Variants in CNOT10 observed in about 807,000 individuals in gnomAD.
CNOT10 encodes CCR4-NOT transcription complex subunit 10, also known as CCR4-NOT transcription complex, subunit 10.
In CNOT10, 30 loss-of-function variants were observed where a neutral mutation model predicts 94.6. The observed-to-expected ratio is 0.32, with a 90% confidence interval of 0.24 to 0.43. The LOEUF is 0.43. Ranked by LOEUF, CNOT10 falls within the 20% of genes least tolerant of loss-of-function variation. The pLI is 1.00. For synonymous variants in CNOT10, 289 were observed against 301.6 expected, an observed-to-expected ratio of 0.96 and a Z score of 0.43; for missense variants, 759 against 877.2, an observed-to-expected ratio of 0.87 and a Z score of 1.70.
chr3:32,733,827 C>G (rs1260226213), intron 11 of CNOT10, among the ~76,000 whole-genome samples: 1 of 152,096 alleles, frequency 6.6e-6, no homozygotes, highest in Non-Finnish European at 1.5e-5. Context: ...AAGAGGGCAT[C>G]TTGGTATTTC....
intron 13 of CNOT10, among the ~76,000 whole-genome samples, chr3:32,757,886 T>C (rs1700287261): frequency 1.3e-5 from 2 of 152,216 alleles, no homozygotes; most frequent in Admixed American, 1.3e-4. Flanking sequence ...ATTACTATCC[T>C]CTGTAATAAG....
At chr3:32,763,610 A>G (rs1446656183) in intron 15 of CNOT10, among the ~76,000 whole-genome samples, 1 of 151,784 alleles carries the variant, frequency 6.6e-6, no homozygotes, top group Non-Finnish European at 1.5e-5. Flanking sequence ...AGATCACGCC[A>G]CTGCACTCCA....
rs1238524615 is a variant in CNOT10 at position 32,769,929 on chromosome 3, A to G, written c.2047A>G (p.Ile683Val). The G allele has an allele frequency of 6.2e-7, 1 of 1,613,996 alleles. No homozygotes were observed. The highest frequency in any genetic ancestry group is 8.5e-7 in the Non-Finnish European group (1 of 1,179,894). ...TCCTAAAGAGGTGCCCCCTGAGGCC[A>G]TCTTGCTGGCAGTCTACCTTGAACT... ...IHPKEVPPEA[I>V]LLAVYLELQN... The change falls in exon 18 of 19, where the codon ATC becomes GTC. Residue 683 changes from isoleucine to valine, a missense_variant. Transcript: ENST00000328834.
At chr3:32,758,175 T>C (rs1412583376) in intron 13 of CNOT10, among the ~76,000 whole-genome samples, 1 of 152,192 alleles carries the variant, frequency 6.6e-6, no homozygotes, top group Non-Finnish European at 1.5e-5. Context: ...AAAGATTATG[T>C]TTACTCACTT....
At chr3:32,741,768 C>CAAAAAAAAAAAAAAAAAAAAAAA (rs529423159) in intron 13 of CNOT10, among the ~76,000 whole-genome samples, 1 of 86,546 alleles carries the variant, frequency 1.2e-5, no homozygotes. Flanking sequence ...GACTCCGTCT[C>CAAAAAAAAAAAAAAAAAAAAAAA]AAAAAAAAAA....
At chr3:32,769,759 G>T in intron 17 of CNOT10, 128 bp from the exon 18 acceptor site, 1 of 700,758 alleles carries the variant, frequency 1.4e-6, no homozygotes, top group Non-Finnish European at 2.6e-6. Flanking sequence ...AGAACAACAG[G>T]TAGTCCCTAG....
intron 13 of CNOT10, among the ~76,000 whole-genome samples, chr3:32,748,832 T>C (rs1385047757): frequency 6.6e-6 from 1 of 151,020 alleles, no homozygotes; most frequent in Non-Finnish European, 1.5e-5. Context: ...TTTGTGGTTT[T>C]TTTGTTTTTG....
intron 1 of CNOT10, among the ~76,000 whole-genome samples, chr3:32,698,434 G>A (rs959781922): frequency 8.6e-5 from 13 of 152,000 alleles, no homozygotes; most frequent in African/African-American, 3.1e-4. Flanking sequence ...AGTCTTCTGG[G>A]GGTTTCGTAG....
At chr3:32,744,414 A>C (rs1390554227) in intron 13 of CNOT10, among the ~76,000 whole-genome samples, 1 of 152,110 alleles carries the variant, frequency 6.6e-6, no homozygotes, top group Non-Finnish European at 1.5e-5. Context: ...TGACTTTTCC[A>C]ATGGCCACTT....
intron 1 of CNOT10, among the ~76,000 whole-genome samples, chr3:32,696,142 C>G (rs1697056191): frequency 6.6e-6 from 1 of 151,810 alleles, no homozygotes; most frequent in South Asian, 2.1e-4. Flanking sequence ...ATGGTAAAAC[C>G]CTGCCTCTAC....
chr3:32,693,834 G>C (rs923549192), intron 1 of CNOT10, among the ~76,000 whole-genome samples: 22 of 152,216 alleles, frequency 1.4e-4, no homozygotes, highest in African/African-American at 4.8e-4. Context: ...GAGCCACCAT[G>C]CCCGGCACTT....
intron 13 of CNOT10, among the ~76,000 whole-genome samples, chr3:32,756,779 A>G (rs540282990): frequency 1.3e-5 from 2 of 152,304 alleles, no homozygotes; most frequent in African/African-American, 2.4e-5. Context: ...TAAGAAGCTT[A>G]TGTTTTACAC....
intron 3 of CNOT10, among the ~76,000 whole-genome samples, chr3:32,707,349 C>A (rs1697668697): frequency 6.6e-6 from 1 of 151,596 alleles, no homozygotes; most frequent in South Asian, 2.1e-4. Flanking sequence ...TTCTAACCAT[C>A]ATGTGTGCAA....
rs1035059462 is a variant in CNOT10 at position 32,716,246 on chromosome 3, G to C, written c.595G>C (p.Asp199His). Residue 199 changes from aspartate to histidine, a missense_variant, in exon 6 of 19, where the codon GAT (aspartate) becomes CAT (histidine). This residue lies in a region of CNOT10 where 682 missense variants were observed against 799.4 expected (regional missense o/e 0.85). Transcript: ENST00000328834. ...KNETGNNNNKDGSNHKAESGA... is the reference protein window; with the variant it reads ...KNETGNNNNKHGSNHKAESGA... ...ACAGACTGGTAATAACAACAACAAAGATGGATCTAATCATAAAGCTGAAAG... is the reference window on the plus strand; with the variant it reads ...ACAGACTGGTAATAACAACAACAAACATGGATCTAATCATAAAGCTGAAAG... The C allele has an allele frequency of 6.3e-7, 1 of 1,597,192 alleles. No homozygotes were observed. Among genetic ancestry groups the C allele is most frequent in the Non-Finnish European group, 8.5e-7 (1 of 1,170,024 alleles).
intron 11 of CNOT10, 29 bp downstream of exon 11, chr3:32,733,573 A>G: frequency 1.5e-6 from 2 of 1,353,232 alleles, no homozygotes; most frequent in Non-Finnish European, 1.0e-6. Flanking sequence ...AAAAGTGTAT[A>G]TATATTTAAT....
chr3:32,737,632 G>A, intron 13 of CNOT10, 142 bp downstream of exon 13: 1 of 513,738 alleles, frequency 1.9e-6, no homozygotes, highest in Non-Finnish European at 3.5e-6. Context: ...AGACCAGCCT[G>A]GCCAAGATAG....
intron 17 of CNOT10, 198 bp downstream of exon 17, chr3:32,765,007 T>G (rs554850788): frequency 1.3e-6 from 2 of 1,507,356 alleles, no homozygotes; most frequent in African/African-American, 2.8e-5. Flanking sequence ...AAAGGAAAGT[T>G]CTTCTTGATG....
At chr3:32,754,984 C>T (rs1253444316) in intron 13 of CNOT10, among the ~76,000 whole-genome samples, 3 of 151,562 alleles carry the variant, frequency 2.0e-5, no homozygotes, top group African/African-American at 4.8e-5. Context: ...TGGTGGCTCA[C>T]GACTGTAATC....
intron 13 of CNOT10, among the ~76,000 whole-genome samples, chr3:32,738,243 G>A (rs1482600250): frequency 6.6e-6 from 1 of 152,012 alleles, no homozygotes; most frequent in Non-Finnish European, 1.5e-5. Flanking sequence ...TAGTACCTGG[G>A]TGACAAAATA....
Sources: allele counts gnomAD v4.1 joint callset (sites outside exome capture counted in the v4.1 genomes callset), GRCh38; gene constraint gnomAD v4.1.1; regional missense constraint gnomAD v4.1.1; transcripts MANE v1.5; gene names NCBI Gene and HGNC (gene_info 2026-07-23, HGNC 2026-07-21).